KCNIP4: variants seen among roughly 807,000 people sequenced by gnomAD.
KCNIP4 encodes potassium voltage-gated channel interacting protein 4, also known as Kv channel-interacting protein 4.
A neutral mutation model predicts 34.0 loss-of-function variants in KCNIP4; 12 were observed. That is an observed-to-expected ratio of 0.35 (90% CI 0.23 to 0.57). The LOEUF (loss-of-function observed/expected upper bound fraction) is 0.57. Ranked by LOEUF, KCNIP4 falls within the 20% of genes least tolerant of loss-of-function variation. The pLI is 0.83. For synonymous variants in KCNIP4, 124 were observed against 102.2 expected (o/e 1.21, Z -1.29); for missense variants, 238 against 311.7 (o/e 0.76, Z 1.78).
At chr4:21,462,800 TGTG>T (rs1729583024) in intron 1 of KCNIP4, among the ~76,000 whole-genome samples, 1 of 151,126 alleles carries the variant, frequency 6.6e-6, no homozygotes, top group Admixed American at 6.6e-5. Flanking sequence ...TGTGTGTGTG[TGTG>T]TGTATGTGTG....
chr4:20,922,547 G>GTCTGTCTGTCTGTCTATCTATCTA lies in KCNIP4; in HGVS notation c.62-39839_62-39838insTAGATAGATAGACAGACAGACAGA, dbSNP rs373186954. On this transcript the variant is annotated intron_variant, in intron 1 of 8. Transcript: ENST00000382152. ...TGTCTGTCTGTCTGTCTGTCTGTCT[G>GTCTGTCTGTCTGTCTATCTATCTA]TCTATCTATCTATCTATCTATCTAT... Among the ~76,000 whole-genome samples the GTCTGTCTGTCTGTCTATCTATCTA allele has an allele frequency of 5.7e-3, 739 of 129,476 alleles. 8 individuals are homozygous for GTCTGTCTGTCTGTCTATCTATCTA. Among genetic ancestry groups the GTCTGTCTGTCTGTCTATCTATCTA allele is most frequent in the Middle Eastern group, 0.012 (3 of 246 alleles). 84.9% of individuals were successfully genotyped at this position (129,476 alleles called of 152,430 possible).
intron 1 of KCNIP4, among the ~76,000 whole-genome samples, chr4:21,612,158 A>ATTT: frequency 6.6e-6 from 1 of 151,954 alleles, no homozygotes; most frequent in African/African-American, 2.4e-5. Context: ...ATTTTTTTTA[A>ATTT]AAAAAGGAGG....
At chr4:21,760,419 A>C (rs1473282643) in intron 1 of KCNIP4, among the ~76,000 whole-genome samples, 2 of 143,948 alleles carry the variant, frequency 1.4e-5, no homozygotes, top group African/African-American at 5.4e-5. Flanking sequence ...AACTTGGCTT[A>C]AATTCAACCT....
At chr4:20,933,205 T>A (rs1003028302) in intron 1 of KCNIP4, among the ~76,000 whole-genome samples, 7 of 151,840 alleles carry the variant, frequency 4.6e-5, no homozygotes, top group African/African-American at 1.7e-4. Flanking sequence ...GATCATGCCA[T>A]TGCACTCCAG....
At chr4:21,372,283 T>C (rs2109442979) in intron 1 of KCNIP4, among the ~76,000 whole-genome samples, 1 of 147,126 alleles carries the variant, frequency 6.8e-6, no homozygotes, top group Admixed American at 6.6e-5. Flanking sequence ...ATTCCATTTT[T>C]TAAAGTTTCT....
rs554280057 is a variant in KCNIP4, at chr4:21,375,497, G to A, written c.62-492788C>T. Among the ~76,000 whole-genome samples, 12 of 152,250 alleles carry A rather than the reference G, an allele frequency of 7.9e-5. No homozygotes were observed. In the South Asian group the frequency reaches 2.3e-3, roughly 29 times the overall value. On this transcript the variant is annotated intron_variant, in intron 1 of 8. Coordinates refer to ENST00000382152, the MANE Select transcript of KCNIP4 (RefSeq NM_025221.6). ...ATATATGTCAAATGCATAGGTCCAG[G>A]GGTATAGTGCATTTGATTAAGAGCA...
chr4:20,878,622 C>T (rs1054499056), intron 2 of KCNIP4, among the ~76,000 whole-genome samples: 5 of 152,190 alleles, frequency 3.3e-5, no homozygotes, highest in African/African-American at 1.2e-4. Flanking sequence ...AAGTGAGTGT[C>T]TAGTATCATG....
chr4:21,364,115 C>T (rs1719490965), intron 1 of KCNIP4, among the ~76,000 whole-genome samples: 1 of 152,160 alleles, frequency 6.6e-6, no homozygotes, highest in Non-Finnish European at 1.5e-5. Context: ...ATTGTTAACA[C>T]TTAATTTCTG....
chr4:21,011,851 T>C (rs77686042), intron 1 of KCNIP4, among the ~76,000 whole-genome samples: 4,390 of 152,332 alleles, frequency 0.029, 112 homozygotes, highest in Non-Finnish European at 0.044. Context: ...TGGATGCACT[T>C]AATGCTTTCG....
chr4:20,730,003 G>C lies in KCNIP4; in HGVS notation c.*79C>G. 1 of 1,510,608 alleles carries C rather than the reference G, an allele frequency of 6.6e-7. No homozygotes were observed. The allele number at this position is 1,510,608 out of a possible 1,614,324, so 93.6% of individuals were successfully genotyped here. A position where few individuals can be genotyped will look rare whatever the true frequency, so the allele number is the denominator to read the frequency against. Reference sequence around the variant, plus strand: ...TTCAGTGTCAAGCTGAGCAATCTATGCTAAAAGTGGTAGCTCCAACTTTAA... The same window carrying C: ...TTCAGTGTCAAGCTGAGCAATCTATCCTAAAAGTGGTAGCTCCAACTTTAA... On this transcript the variant is annotated 3_prime_UTR_variant, in exon 9 of 9. Coordinates refer to ENST00000382152, the MANE Select transcript of KCNIP4 (RefSeq NM_025221.6).
At chr4:20,787,258 C>T (rs1307731610) in intron 3 of KCNIP4, among the ~76,000 whole-genome samples, 3 of 152,110 alleles carry the variant, frequency 2.0e-5, no homozygotes, top group Non-Finnish European at 4.4e-5. Context: ...TCTATAAATT[C>T]CCTTTCAAAC....
At chr4:21,663,458 AT>A (rs1292417179) in intron 1 of KCNIP4, among the ~76,000 whole-genome samples, 2 of 152,066 alleles carry the variant, frequency 1.3e-5, no homozygotes, top group African/African-American at 2.4e-5. Context: ...ATGACTGCAG[AT>A]GCTCCCTGGC....
intron 1 of KCNIP4, among the ~76,000 whole-genome samples, chr4:21,446,127 G>A (rs1727965660): frequency 6.6e-6 from 1 of 152,128 alleles, no homozygotes; most frequent in Non-Finnish European, 1.5e-5. Context: ...GGAAACAACA[G>A]GTGCTGGAGA....
At chr4:21,859,067 A>G (rs1724914651) in intron 1 of KCNIP4, among the ~76,000 whole-genome samples, 1 of 152,178 alleles carries the variant, frequency 6.6e-6, no homozygotes, top group Non-Finnish European at 1.5e-5. Flanking sequence ...CACTGCTCTT[A>G]GATAAGGGAA....
chr4:20,972,417 G>T (rs145175596), intron 1 of KCNIP4, among the ~76,000 whole-genome samples: 36 of 152,288 alleles, frequency 2.4e-4, no homozygotes, highest in African/African-American at 8.7e-4. Flanking sequence ...AATGGATGTT[G>T]TGTTCAGAGG....
At chr4:20,754,902 G>T (rs1754245911) in intron 4 of KCNIP4, among the ~76,000 whole-genome samples, 1 of 152,192 alleles carries the variant, frequency 6.6e-6, no homozygotes, top group South Asian at 2.1e-4. Context: ...CTGCATTGGT[G>T]CTTTGATATT....
rs111626284 is a variant in KCNIP4 at position 21,683,661 on chromosome 4, A to G, written c.61+264910T>C. ...TTTTTTGTATCTTTTAGTAGAGATG[A>G]GGTGGTGAAGCCAGATTTTAAGCAC... On this transcript the variant is annotated intron_variant, in intron 1 of 8. Coordinates refer to ENST00000382152, the MANE Select transcript of KCNIP4 (RefSeq NM_025221.6). Among the ~76,000 whole-genome samples the G allele has an allele frequency of 7.9e-3, 1,192 of 151,278 alleles. 19 individuals are homozygous for G. The highest frequency in any genetic ancestry group is 0.024 in the African/African-American group (991 of 41,296).
In KCNIP4 at chr4:20,899,388, T is replaced by C. The variant is rs576185955; in HGVS notation, c.62-16679A>G. Among the ~76,000 whole-genome samples the C allele has an allele frequency of 4.6e-5, 7 of 152,296 alleles. No individual in the cohort carries two copies. In the South Asian group the frequency reaches 1.4e-3, roughly 32 times the overall value. The stretch of plus-strand genomic sequence containing the variant: ...AAAACAGGCCCTGCTGCTCAACATT[T>C]TATTTATTAGAAACTGAGCCAGGAA... On this transcript the variant is annotated intron_variant, in intron 1 of 8. Transcript: ENST00000382152.
At chr4:21,889,265 T>C (rs1377940903) in intron 1 of KCNIP4, among the ~76,000 whole-genome samples, 1 of 152,146 alleles carries the variant, frequency 6.6e-6, no homozygotes, top group Non-Finnish European at 1.5e-5. Context: ...AAAATTATCC[T>C]TGGGCTATGT....
Sources: allele counts gnomAD v4.1 joint callset (sites outside exome capture counted in the v4.1 genomes callset), GRCh38; gene constraint gnomAD v4.1.1; transcripts MANE v1.5; gene names NCBI Gene and HGNC (gene_info 2026-07-23, HGNC 2026-07-21).